Variants in CHL1 observed in about 807,000 individuals in gnomAD.
CHL1 encodes neural cell adhesion molecule L1-like protein.
A neutral mutation model predicts 141.9 loss-of-function variants in CHL1; 96 were observed. The ratio of observed to expected loss-of-function variants is 0.68; its 90% CI spans 0.57 to 0.80. CHL1 has a LOEUF of 0.80. Ranked by LOEUF, CHL1 falls within the 30% of genes least tolerant of loss-of-function variation. CHL1 has a pLI of 0.00. For synonymous variants in CHL1, 613 were observed against 502.2 expected (o/e 1.22, Z -2.95); for missense variants, 1,820 against 1,457.2 (o/e 1.25, Z -4.05).
chr3:397,918 C>G, intron 24 of CHL1, among the ~76,000 whole-genome samples: 1 of 152,012 alleles, frequency 6.6e-6, no homozygotes, highest in South Asian at 2.1e-4. Context: ...TGCGAAAATC[C>G]AAATTGCACA....
At chr3:360,467 G>A in intron 12 of CHL1, 43 bp downstream of exon 12, 1 of 1,602,694 alleles carries the variant, frequency 6.2e-7, no homozygotes, top group Non-Finnish European at 8.5e-7. Context: ...ATTTTCCTAA[G>A]GAAAGTGGTC....
intron 1 of CHL1, among the ~76,000 whole-genome samples, chr3:212,260 T>C (rs1371450877): frequency 1.3e-5 from 2 of 152,096 alleles, no homozygotes; most frequent in African/African-American, 4.8e-5. Flanking sequence ...GTTTCCATAG[T>C]CTATTTTTAT....
At chr3:232,154 A>C (rs1191344816) in intron 1 of CHL1, among the ~76,000 whole-genome samples, 2 of 152,154 alleles carry the variant, frequency 1.3e-5, no homozygotes, top group Non-Finnish European at 1.5e-5. Context: ...GTCTACCATT[A>C]CTGACCTCAC....
At chr3:227,910 A>C (rs1701504864) in intron 1 of CHL1, among the ~76,000 whole-genome samples, 1 of 152,212 alleles carries the variant, frequency 6.6e-6, no homozygotes, top group East Asian at 1.9e-4. Flanking sequence ...TGAGATGATA[A>C]CAGCACTCGT....
rs528140284 is a variant in CHL1, at chr3:343,820, T to C, written c.728-769T>C. Among the ~76,000 whole-genome samples the C allele has an allele frequency of 3.3e-5, 5 of 152,304 alleles. No individual in the cohort carries two copies. In the South Asian group the frequency reaches 1.0e-3, roughly 32 times the overall value. Reference sequence around the variant, plus strand: ...CTTTGAGATTAATAACTCACACATATATAGTGCTATATTTTCACAGCACTC... The same window carrying C: ...CTTTGAGATTAATAACTCACACATACATAGTGCTATATTTTCACAGCACTC... On this transcript the variant is annotated intron_variant, in intron 8 of 27. Coordinates refer to ENST00000256509, the MANE Select transcript of CHL1 (RefSeq NM_006614.4).
chr3:397,346 A>G (rs1708760759), intron 24 of CHL1, among the ~76,000 whole-genome samples: 1 of 152,060 alleles, frequency 6.6e-6, no homozygotes. Flanking sequence ...CTATATAATT[A>G]ATTTTTATTT....
chr3:400,710 G>T (rs915909151), intron 26 of CHL1, among the ~76,000 whole-genome samples: 1 of 151,576 alleles, frequency 6.6e-6, no homozygotes, highest in Admixed American at 6.6e-5. Flanking sequence ...GCTGAGGCAG[G>T]AGAATCCCTT....
intron 6 of CHL1, among the ~76,000 whole-genome samples, chr3:341,480 T>C (rs915515857): frequency 6.8e-4 from 103 of 152,186 alleles, no homozygotes; most frequent in African/African-American, 2.3e-3. Flanking sequence ...GGGAGATTAA[T>C]ATCACGGATA....
rs1709477887 is a variant in CHL1, at chr3:405,570, C to A, written c.3534C>A (p.Asp1178Glu). The A allele has an allele frequency of 6.2e-7, 1 of 1,613,452 alleles. No individual in the cohort carries two copies. Among genetic ancestry groups the A allele is most frequent in the Non-Finnish European group, 8.5e-7 (1 of 1,179,530 alleles). ...NRDMQPTESA[D>E]SLVEYGEGDH... The stretch of plus-strand genomic sequence containing the variant: ...ATATGCAGCCTACTGAAAGTGCTGA[C>A]AGCTTAGTCGAATACGGAGAGGGAG... Residue 1178 changes from aspartate to glutamate, a missense_variant, in exon 28 of 28, where the codon GAC becomes GAA. Physicochemically the swap from Asp to Glu is conservative, Grantham distance 45. Transcript: ENST00000256509.
At chr3:290,205 GA>G (rs898483544) in intron 2 of CHL1, among the ~76,000 whole-genome samples, 2 of 152,032 alleles carry the variant, frequency 1.3e-5, no homozygotes, top group South Asian at 2.1e-4. Flanking sequence ...AATAGACCAT[GA>G]AAAAACCACT....
intron 15 of CHL1, among the ~76,000 whole-genome samples, chr3:369,085 T>C (rs944058185): frequency 1.3e-5 from 2 of 152,208 alleles, no homozygotes; most frequent in African/African-American, 4.8e-5. Flanking sequence ...GGGGTCTTCT[T>C]TGATTCCATA....
intron 20 of CHL1, 60 bp downstream of exon 20, chr3:389,534 T>C (rs1215244966): frequency 3.9e-6 from 5 of 1,290,442 alleles, no homozygotes; most frequent in Non-Finnish European, 5.6e-6. Context: ...AAATATATTG[T>C]ACTTCAATCA....
chr3:372,808 G>T (rs1055024098), intron 15 of CHL1, among the ~76,000 whole-genome samples: 3 of 151,454 alleles, frequency 2.0e-5, no homozygotes, highest in South Asian at 4.2e-4. Context: ...TGCTGTTGTT[G>T]TTGCTTTCTT....
At chr3:208,452 T>C (rs760915432) in intron 1 of CHL1, among the ~76,000 whole-genome samples, 1 of 148,038 alleles carries the variant, frequency 6.8e-6, no homozygotes, top group Non-Finnish European at 1.5e-5. Flanking sequence ...ATTGAAATAT[T>C]AGGTTTGGGT....
chr3:392,412 G>C (rs907954433), intron 23 of CHL1, among the ~76,000 whole-genome samples: 6 of 152,318 alleles, frequency 3.9e-5, no homozygotes, highest in Middle Eastern at 3.4e-3. Flanking sequence ...AATTGTCTTT[G>C]GATCATGACT....
In CHL1 at chr3:201,055, G is replaced by C. The variant is rs572908327; in HGVS notation, c.-175+3992G>C. ...TTAAGTTTATCTTCTGAGAATAAAA[G>C]TGTTATTGTGTTACTGAAAGTCACT... On this transcript the variant is annotated intron_variant, in intron 1 of 27. Transcript: ENST00000256509. Among the ~76,000 whole-genome samples, 6 of 152,306 alleles carry C rather than the reference G, an allele frequency of 3.9e-5. No homozygotes were observed. In the South Asian group the frequency reaches 8.3e-4, roughly 21 times the overall value.
At chr3:297,313 A>G (rs1008964437) in intron 2 of CHL1, among the ~76,000 whole-genome samples, 8 of 152,228 alleles carry the variant, frequency 5.3e-5, no homozygotes, top group Non-Finnish European at 1.2e-4. Context: ...ATGCAAGAAC[A>G]GGGAAAGAGA....
chr3:366,060 T>C lies in CHL1; in HGVS notation c.1696T>C (p.Leu566=). ...CDSHLKHSLK[L]SWSKDGEAFE... ...CTCACATTTGAAACACAGTTTGAAG[T>C]TGTCCTGGAGTAAAGATGGAGAAGC... Residue 566 remains leucine (L), a synonymous_variant, in exon 15 of 28, where the codon TTG becomes CTG. Coordinates refer to ENST00000256509, the MANE Select transcript of CHL1 (RefSeq NM_006614.4). 2.5e-6 allele frequency: 4 copies of C among 1,614,016 alleles called. No homozygotes were observed. The highest frequency in any genetic ancestry group is 2.2e-5 in the East Asian group (1 of 44,870).
At chr3:198,014 A>G in intron 1 of CHL1, 1 of 349,452 alleles carries the variant, frequency 2.9e-6, no homozygotes, top group Non-Finnish European at 5.7e-6. Context: ...TGCGAGCCAC[A>G]GTGTCTCAGC....
Sources: gnomAD v4.1 joint callset for allele counts (sites outside exome capture counted in the v4.1 genomes callset) on GRCh38, gnomAD v4.1.1 for gene constraint, MANE v1.5 for transcripts, NCBI Gene and HGNC (gene_info 2026-07-23, HGNC 2026-07-21) for gene names.